MACO1: variants seen among roughly 807,000 people sequenced by gnomAD.
MACO1 encodes the protein macoilin 1, also known as macoilin.
MACO1 carries 14 observed loss-of-function variants against 78.7 expected under a neutral mutation model. That is an observed-to-expected ratio of 0.18 (90% CI 0.12 to 0.28). The LOEUF (loss-of-function observed/expected upper bound fraction) is 0.28, where lower values mean the gene tolerates loss of function less well. Ranked by LOEUF, MACO1 falls within the 10% of genes least tolerant of loss-of-function variation. MACO1 has a pLI of 1.00. For missense variants in MACO1, 501 were observed against 799.0 expected (o/e 0.63, Z 4.50); for synonymous variants, 288 against 291.6 (o/e 0.99, Z 0.12).
chr1:25,431,120 T>C lies in MACO1; in HGVS notation c.22T>C (p.Cys8Arg), dbSNP rs1273618619. 2 of 1,595,760 alleles carry C rather than the reference T, an allele frequency of 1.3e-6. No homozygotes were observed. The highest frequency in any genetic ancestry group is 1.7e-6 in the Non-Finnish European group (2 of 1,173,540). Residue 8 changes from cysteine (C) to arginine (R), a missense_variant, in exon 1 of 11, where the codon TGC becomes CGC. Coordinates refer to ENST00000374343, the MANE Select transcript of MACO1 (RefSeq NM_018202.6). MKRRNADCSKLRRPLKRN... is the reference protein window; with the variant it reads MKRRNADRSKLRRPLKRN... The stretch of plus-strand genomic sequence containing the variant: ...GAGGATGAAGCGGCGGAACGCCGAC[T>C]GCAGTAAGCTCCGCCGCCCCCTAAA...
intron 10 of MACO1, among the ~76,000 whole-genome samples, chr1:25,492,122 A>G (rs1206657320): frequency 6.6e-6 from 1 of 152,210 alleles, no homozygotes; most frequent in Non-Finnish European, 1.5e-5. Flanking sequence ...AGCTGCAGCC[A>G]GCCTGCTTGG....
chr1:25,493,092 T>C (rs2043501214), intron 10 of MACO1, among the ~76,000 whole-genome samples: 1 of 152,184 alleles, frequency 6.6e-6, no homozygotes, highest in Non-Finnish European at 1.5e-5. Flanking sequence ...CTAGAAGCTC[T>C]GGGGGAGACA....
At chr1:25,446,987 A>G (rs1339033638) in intron 2 of MACO1, 84 bp downstream of exon 2, 7 of 1,480,320 alleles carry the variant, frequency 4.7e-6, no homozygotes, top group Non-Finnish European at 4.5e-6. Context: ...TCAGGTAACT[A>G]TGTTAGGATT....
intron 7 of MACO1, among the ~76,000 whole-genome samples, chr1:25,484,829 A>T (rs2043414899): frequency 6.6e-6 from 1 of 152,060 alleles, no homozygotes; most frequent in African/African-American, 2.4e-5. Flanking sequence ...CGTGGTAGTG[A>T]TGATCATTAC....
chr1:25,464,611 C>G (rs1332089679), intron 6 of MACO1, among the ~76,000 whole-genome samples: 1 of 150,460 alleles, frequency 6.6e-6, no homozygotes, highest in Non-Finnish European at 1.5e-5. Context: ...TCCCAAAGTT[C>G]TGGGATTACA....
Position 25,458,630 on chromosome 1 carries a change from T to C in MACO1, c.892T>C (p.Leu298=), listed in dbSNP as rs752323345. 2.5e-6 allele frequency: 4 copies of C among 1,614,016 alleles called. No homozygotes were observed. The highest frequency in any genetic ancestry group is 3.4e-6 in the Non-Finnish European group (4 of 1,179,978). Residue 298 remains leucine (L), a synonymous_variant, in exon 6 of 11, where the codon TTA becomes CTA. Coordinates refer to ENST00000374343, the MANE Select transcript of MACO1 (RefSeq NM_018202.6). ...GGAAAACCATATCAATAGTAAAAGA[T>C]TAAATAATGATCTTGTGGGAAGTAC... The part of the protein sequence containing the change: ...YMENHINSKR[L]NNDLVGSTEN...
intron 3 of MACO1, among the ~76,000 whole-genome samples, chr1:25,449,757 G>C (rs561533904): frequency 6.6e-6 from 1 of 152,262 alleles, no homozygotes; most frequent in Admixed American, 6.5e-5. Flanking sequence ...AGTGGCTCAC[G>C]CCTGTAATCC....
chr1:25,484,868 T>C (rs2043415314), intron 7 of MACO1, among the ~76,000 whole-genome samples: 1 of 152,242 alleles, frequency 6.6e-6, no homozygotes, highest in South Asian at 2.1e-4. Flanking sequence ...GCTTTCCCTG[T>C]TGAAAGAGGA....
chr1:25,451,488 G>A (rs2043065611), intron 3 of MACO1, among the ~76,000 whole-genome samples: 1 of 151,984 alleles, frequency 6.6e-6, no homozygotes, highest in Non-Finnish European at 1.5e-5. Context: ...TGCTTATTAT[G>A]TTTATAATAA....
intron 10 of MACO1, among the ~76,000 whole-genome samples, chr1:25,493,795 C>T (rs985120460): frequency 3.1e-4 from 45 of 143,712 alleles, no homozygotes; most frequent in African/African-American, 1.1e-3. Context: ...TGCAGTGGCA[C>T]GATCTCGGTG....
At chr1:25,447,897 C>G (rs1557660541) in intron 2 of MACO1, among the ~76,000 whole-genome samples, 1 of 152,090 alleles carries the variant, frequency 6.6e-6, no homozygotes, top group Non-Finnish European at 1.5e-5. Flanking sequence ...ACTATAACTC[C>G]CACCCAGGCC....
In MACO1 at chr1:25,461,377, T is replaced by TA. The variant is rs1261868068; in HGVS notation, c.1154+2488dup. Among the ~76,000 whole-genome samples the TA allele has an allele frequency of 2.0e-5, 3 of 152,150 alleles. No individual in the cohort carries two copies. The East Asian group carries it at 5.8e-4, about 29-fold the overall frequency. On this transcript the variant is annotated intron_variant, in intron 6 of 10. Coordinates refer to ENST00000374343, the MANE Select transcript of MACO1 (RefSeq NM_018202.6). ...AAAGTATAATAATAATAAAATAAAA[T>TA]AAAGAATACTATGCAAAGAATATAG...
intron 6 of MACO1, among the ~76,000 whole-genome samples, chr1:25,481,476 CTG>C (rs770514049): frequency 6.6e-6 from 1 of 152,158 alleles, no homozygotes; most frequent in Non-Finnish European, 1.5e-5. Context: ...ATCCTAAACT[CTG>C]TTACTAAACC....
At position 25,441,761 on chromosome 1, in the gene MACO1, C is replaced by T. The variant is rs977810510; in HGVS notation, c.81-5001C>T. ...AGGAAGTGATATTTGTGCTGTGTGC[C>T]GAAGGATGAGTAGCTATGGAAGTGC... On this transcript the variant is annotated intron_variant, in intron 1 of 10. Transcript: ENST00000374343. 7.9e-5 allele frequency among the ~76,000 whole-genome samples: 12 copies of T among 152,178 alleles called. 1 individual carries two copies. Among genetic ancestry groups the T allele is most frequent in the East Asian group, 7.7e-4 (4 of 5,172 alleles).
chr1:25,468,790 A>G (rs997739868), intron 6 of MACO1, among the ~76,000 whole-genome samples: 2 of 152,256 alleles, frequency 1.3e-5, no homozygotes, highest in South Asian at 4.2e-4. Flanking sequence ...AGGCATAGAG[A>G]GGCACTTTGG....
intron 3 of MACO1, among the ~76,000 whole-genome samples, chr1:25,451,341 GA>G (rs1396862131): frequency 2.6e-5 from 4 of 151,734 alleles, no homozygotes; most frequent in African/African-American, 9.7e-5. Flanking sequence ...GTTAAGAGGG[GA>G]AAAAAACAGG....
In MACO1 at chr1:25,430,946, C is replaced by CCAGG; in HGVS notation, c.-153_-152insCAGG. ...GAGGAGGCTCCGAGCCCCCCCTCCC[C>CCAGG]GTGCTACCCCCTCCCCCCGGGTGCT... On this transcript the variant is annotated 5_prime_UTR_variant, in exon 1 of 11. Coordinates refer to ENST00000374343, the MANE Select transcript of MACO1 (RefSeq NM_018202.6). 2.3e-6 allele frequency: 1 copy of CCAGG among 435,500 alleles called. No individual in the cohort carries two copies. Among genetic ancestry groups the CCAGG allele is most frequent in the Non-Finnish European group, 4.1e-6 (1 of 241,918 alleles). 27.0% of individuals were successfully genotyped at this position (435,500 alleles called of 1,614,324 possible).
At chr1:25,477,606 G>A (rs566083308) in intron 6 of MACO1, among the ~76,000 whole-genome samples, 1 of 152,312 alleles carries the variant, frequency 6.6e-6, no homozygotes, top group Non-Finnish European at 1.5e-5. Flanking sequence ...TTCTGGAATG[G>A]GTATGGGCTG....
At chr1:25,459,330 TTC>T (rs2043151350) in intron 6 of MACO1, among the ~76,000 whole-genome samples, 2 of 152,216 alleles carry the variant, frequency 1.3e-5, no homozygotes, top group Admixed American at 1.3e-4. Flanking sequence ...TGTTTTGTTT[TTC>T]TGTTTGTTTT....
Sources: allele counts gnomAD v4.1 joint callset (sites outside exome capture counted in the v4.1 genomes callset), GRCh38; gene constraint gnomAD v4.1.1; transcripts MANE v1.5; gene names NCBI Gene and HGNC (gene_info 2026-07-23, HGNC 2026-07-21).